Variants in ZSCAN29 observed in about 807,000 individuals in gnomAD.
ZSCAN29 encodes the protein zinc finger and SCAN domain-containing protein 29.
In ZSCAN29, 55 loss-of-function variants were observed where a neutral mutation model predicts 71.9. The observed-to-expected ratio is 0.76, with a 90% CI of 0.62 to 0.96. The LOEUF (loss-of-function observed/expected upper bound fraction) is 0.96. Ranked by LOEUF, ZSCAN29 falls within the 40% of genes least tolerant of loss-of-function variation. ZSCAN29 has a pLI of 0.00. For synonymous variants in ZSCAN29, 351 were observed against 371.6 expected (o/e 0.94, Z 0.64); for missense variants, 1,042 against 1,042.2 (o/e 1.00, Z 0.00).
chr15:43,366,251 C>T lies in ZSCAN29; in HGVS notation c.1081G>A (p.Glu361Lys), dbSNP rs1387251295. Reference protein sequence around the residue: ...GLVGSDAETEEPGQRGWQHEE... With the variant: ...GLVGSDAETEKPGQRGWQHEE... ...TGCTGCCAGCCCCTCTGCCCTGGCT[C>T]TTCAGTCTCAGCATCGCTGCCTACC... The change falls in exon 4 of 6, where the codon GAG becomes AAG. Residue 361 changes from glutamate (E) to lysine (K), a missense_variant. Glu to Lys is a moderately conservative substitution (Grantham distance 56, BLOSUM62 1). Coordinates refer to ENST00000684362, the MANE Select transcript of ZSCAN29 (RefSeq NM_001372080.1). The T allele has an allele frequency of 3.1e-6, 5 of 1,613,724 alleles. No homozygotes were observed. In the South Asian group the frequency reaches 3.3e-5, roughly 11 times the overall value.
chr15:43,362,683 A>C (rs2043993760), intron 5 of ZSCAN29, among the ~76,000 whole-genome samples: 1 of 152,164 alleles, frequency 6.6e-6, no homozygotes, highest in African/African-American at 2.4e-5. Context: ...GTCTTATGAG[A>C]TATTTCATGA....
intron 4 of ZSCAN29, among the ~76,000 whole-genome samples, chr15:43,365,115 A>G (rs1364249575): frequency 6.6e-6 from 1 of 152,154 alleles, no homozygotes; most frequent in East Asian, 1.9e-4. Context: ...CACAAAAAAC[A>G]GAAGGAAAAG....
In ZSCAN29 at chr15:43,369,710, G is replaced by A. The variant is rs757154529; in HGVS notation, c.204C>T (p.Thr68=). ...VELLVLEQFL[T]VLPGEIQNWV... ...AATTCTGGATCTCCCCAGGTAAGAC[G>A]GTCAGGAACTGCTCTAGCACCAACA... The change falls in exon 2 of 6, where the codon ACC becomes ACT. Residue 68 remains threonine (T), a synonymous_variant. Transcript: ENST00000684362. 8 of 1,614,062 alleles carry A rather than the reference G, an allele frequency of 5.0e-6. No homozygotes were observed. The East Asian group carries it at 1.1e-4, about 22-fold the overall frequency.
chr15:43,367,334 C>G (rs140943027), intron 3 of ZSCAN29, among the ~76,000 whole-genome samples: 1 of 152,154 alleles, frequency 6.6e-6, no homozygotes, highest in Non-Finnish European at 1.5e-5. Context: ...TCTACCTAAC[C>G]GCAGGCTCTT....
At position 43,366,804 on chromosome 15, in the gene ZSCAN29, C is replaced by CA. The variant is rs762779349; in HGVS notation, c.527dup (p.Leu176PhefsTer5). 1 of 1,604,198 alleles carries CA rather than the reference C, an allele frequency of 6.2e-7. No individual in the cohort carries two copies. Among genetic ancestry groups the CA allele is most frequent in the South Asian group, 1.1e-5 (1 of 89,266 alleles). On this transcript the variant is annotated frameshift_variant, in exon 4 of 6. Transcript: ENST00000684362. LOFTEE classifies it high-confidence loss of function. ...AGACCACACCGGATTTAGGAAATGGCAATCCTGCTTGCAGGGAAACAAACA... is the reference window on the plus strand; with the variant it reads ...AGACCACACCGGATTTAGGAAATGGCAAATCCTGCTTGCAGGGAAACAAACA...
In ZSCAN29 at chr15:43,361,903, G is replaced by A. The variant is rs545133458; in HGVS notation, c.1729C>T (p.Arg577Trp). Residue 577 changes from arginine (R) to tryptophan (W), a missense_variant, in exon 6 of 6, where the codon CGG becomes TGG. Arg to Trp is a moderately radical substitution (Grantham distance 101). Transcript: ENST00000684362. ...AGTTGTACTTCCTCAGAAATATCCC[G>A]TTTTGAATTATCTTCATTCTCAAAT... is the stretch of plus-strand genomic sequence containing the variant. ...AGFENEDNSK[R>W]DISEEVQLHR... 1.9e-4 allele frequency: 310 copies of A among 1,612,752 alleles called. 4 individuals carry two copies. The South Asian group carries it at 3.0e-3, about 15-fold the overall frequency.
At position 43,364,278 on chromosome 15, in the gene ZSCAN29, C is replaced by A. The variant is rs1203252723; in HGVS notation, c.1327G>T (p.Gly443Ter). 1 of 1,614,088 alleles carries A rather than the reference C, an allele frequency of 6.2e-7. No homozygotes were observed. The highest frequency in any genetic ancestry group is 2.2e-5 in the East Asian group (1 of 44,894). Residue 443 changes from glycine to a stop codon, truncating the protein, a stop_gained, in exon 5 of 6, where the codon GGA becomes TGA. Coordinates refer to ENST00000684362, the MANE Select transcript of ZSCAN29 (RefSeq NM_001372080.1). LOFTEE classifies it high-confidence loss of function. ...TCCCATAACCTCTCAGCCACTGCTC[C>A]ATACAGCTGGCTGTTGCGGTGACAG... ...RNCHRNSQLY[G>*]AVAERLWEYG...
intron 4 of ZSCAN29, among the ~76,000 whole-genome samples, chr15:43,365,158 G>A (rs919194467): frequency 1.3e-5 from 2 of 152,082 alleles, no homozygotes; most frequent in Non-Finnish European, 2.9e-5. Context: ...CAACTTTAGC[G>A]ATGTAGTCCT....
chr15:43,364,209 TA>T lies in ZSCAN29; in HGVS notation c.1395del (p.Phe465LeufsTer30). The T allele has an allele frequency of 6.2e-7, 1 of 1,614,202 alleles. No individual in the cohort carries two copies. The highest frequency in any genetic ancestry group is 1.3e-5 in the African/African-American group (1 of 75,044). Reference protein sequence around the residue: ...LRTPEQCRTKFKSLQTSYRKV... With the variant: ...LRTPEQCRTKXKSLQTSYRKV... Reference sequence around the variant, plus strand: ...TTCCGATAGCTGGTTTGCAGGCTTTTAAACTTGGTCCGACACTGTTCTGGGG... The same window carrying T: ...TTCCGATAGCTGGTTTGCAGGCTTTTAACTTGGTCCGACACTGTTCTGGGG... On this transcript the variant is annotated frameshift_variant, in exon 5 of 6. Transcript: ENST00000684362. LOFTEE classifies it high-confidence loss of function.
rs370272155 is a variant in ZSCAN29 at position 43,363,968 on chromosome 15, A to G, written c.1637T>C (p.Ile546Thr). Residue 546 changes from isoleucine (I) to threonine (T), a missense_variant, in exon 5 of 6, where the codon ATA (isoleucine) becomes ACA (threonine). Ile to Thr is a moderately conservative substitution (Grantham distance 89). Transcript: ENST00000684362. ...ACGGGTTATGACAGCCCCTGGGGGT[A>G]TCTCAGTATCCTCTTCATCATCATC... ...DSDDDEEDTE[I>T]PPGAVITRAP... The G allele has an allele frequency of 1.8e-5, 29 of 1,614,062 alleles. No homozygotes were observed. The East Asian group carries it at 2.7e-4, about 15-fold the overall frequency.
intron 4 of ZSCAN29, among the ~76,000 whole-genome samples, chr15:43,364,931 T>C (rs1555392596): frequency 7.2e-6 from 1 of 138,546 alleles, no homozygotes; most frequent in East Asian, 2.1e-4. Flanking sequence ...AGAACAATGA[T>C]AATGAAAATA....
intron 4 of ZSCAN29, 146 bp downstream of exon 4, chr15:43,365,964 A>C (rs886110834): frequency 1.8e-5 from 13 of 722,714 alleles, no homozygotes; most frequent in Non-Finnish European, 2.7e-5. Context: ...CATAAAAGAG[A>C]ATGAAATACA....
intron 5 of ZSCAN29, among the ~76,000 whole-genome samples, chr15:43,362,518 T>A (rs560034325): frequency 6.6e-6 from 1 of 152,310 alleles, no homozygotes; most frequent in South Asian, 2.1e-4. Flanking sequence ...AATGCCTGGC[T>A]TTTTTGGGCC....
chr15:43,364,916 GT>G, intron 4 of ZSCAN29, among the ~76,000 whole-genome samples: 1 of 133,376 alleles, frequency 7.5e-6, no homozygotes, highest in Admixed American at 7.4e-5. Flanking sequence ...AAAAAAAAAA[GT>G]GAAAGAACAA....
chr15:43,363,398 AT>A (rs1325683496), intron 5 of ZSCAN29, among the ~76,000 whole-genome samples: 6 of 152,156 alleles, frequency 3.9e-5, no homozygotes, highest in Non-Finnish European at 8.8e-5. Flanking sequence ...CTTGTGAAGT[AT>A]TTTTTTCTTA....
At position 43,366,095 on chromosome 15, in the gene ZSCAN29, A is replaced by G. The variant is rs2044032815; in HGVS notation, c.1222+15T>C. ...CAAGTCTAATTCCAAAACTCCAAGA[A>G]GAAAAGCTTCTTACCACCTGGGCTT... On this transcript the variant is annotated intron_variant, in intron 4 of 5. Transcript: ENST00000684362. 1 of 1,576,642 alleles carries G rather than the reference A, an allele frequency of 6.3e-7. No homozygotes were observed. The highest frequency in any genetic ancestry group is 1.2e-5 in the South Asian group (1 of 86,524).
In ZSCAN29 at chr15:43,361,726, T is replaced by G; in HGVS notation, c.1906A>C (p.Ser636Arg). The G allele has an allele frequency of 6.2e-7, 1 of 1,614,204 alleles. No individual in the cohort carries two copies. The highest frequency in any genetic ancestry group is 1.3e-5 in the African/African-American group (1 of 75,046). The change falls in exon 6 of 6, where the codon AGT (serine) becomes CGT (arginine). Residue 636 changes from serine (S) to arginine (R), a missense_variant. Physicochemically the swap from Ser to Arg is moderately radical, Grantham distance 110. Coordinates refer to ENST00000684362, the MANE Select transcript of ZSCAN29 (RefSeq NM_001372080.1). ...GGTCTCTGTTGACTTAGGACTTCAC[T>G]TAAGCTCTTCTCCGGGAGTGTCAGT... Reference protein sequence around the residue: ...GKLTLPEKSLSEVLSQQRPCL... With the variant: ...GKLTLPEKSLREVLSQQRPCL...
At position 43,359,358 on chromosome 15, in the gene ZSCAN29, A is replaced by G. The variant is rs1338309587; in HGVS notation, c.*1715T>C. 3 of 152,252 alleles carry G rather than the reference A, an allele frequency of 2.0e-5. No individual in the cohort carries two copies. The highest frequency in any genetic ancestry group is 2.1e-4 in the South Asian group (1 of 4,836). The allele number at this position is 152,252 out of a possible 1,614,324, so 9.4% of individuals were successfully genotyped here. A position where few individuals can be genotyped will look rare whatever the true frequency, so the allele number is the denominator to read the frequency against. On this transcript the variant is annotated 3_prime_UTR_variant, in exon 6 of 6. Transcript: ENST00000684362. ...GGAGAGGACCTGTTGACCTTGTGCT[A>G]TACAGGGCTCATCATACTATGAGCA...
Position 43,361,143 on chromosome 15 carries a change from C to T in ZSCAN29, c.2489G>A (p.Ser830Asn). 1 of 1,613,952 alleles carries T rather than the reference C, an allele frequency of 6.2e-7. No homozygotes were observed. The highest frequency in any genetic ancestry group is 8.5e-7 in the Non-Finnish European group (1 of 1,179,822). The part of the protein sequence containing the change: ...CHDCGKCFSK[S>N]SALNKHGEIH... ...TTCTCCGTGCTTATTAAGGGCAGAG[C>T]TTTTACTGAAGCACTTACCACAGTC... Residue 830 changes from serine (S) to asparagine (N), a missense_variant, in exon 6 of 6, where the codon AGC becomes AAC. Physicochemically the swap from Ser to Asn is conservative, Grantham distance 46. Coordinates refer to ENST00000684362, the MANE Select transcript of ZSCAN29 (RefSeq NM_001372080.1).
Sources: allele counts gnomAD v4.1 joint callset (sites outside exome capture counted in the v4.1 genomes callset), GRCh38; gene constraint gnomAD v4.1.1; transcripts MANE v1.5; gene names NCBI Gene and HGNC (gene_info 2026-07-23, HGNC 2026-07-21).